The following SECISBP2L variants were observed in gnomAD, a reference collection of about 807,000 sequenced individuals.
SECISBP2L encodes the protein selenocysteine insertion sequence-binding protein 2-like.
SECISBP2L carries 43 observed loss-of-function variants against 114.7 expected under a neutral mutation model. The ratio of observed to expected loss-of-function variants is 0.38; its 90% CI spans 0.29 to 0.48. SECISBP2L has a LOEUF of 0.48. Among genes scored for constraint, SECISBP2L ranks in the 20% least tolerant of loss-of-function variants. SECISBP2L has a pLI of 0.98. For missense variants in SECISBP2L, 1,136 were observed against 1,301.1 expected (o/e 0.87, Z 1.95); for synonymous variants, 451 against 439.7 (o/e 1.03, Z -0.32).
chr15:49,032,556 A>G lies in SECISBP2L; in HGVS notation c.664+409T>C, dbSNP rs575172207. On this transcript the variant is annotated intron_variant, in intron 4 of 17. Transcript: ENST00000559471. ...AGATCTATGCTAAAATATGGCATAG[A>G]AAACTTCCTAAGTTCTTTCTACAAA... 7.2e-4 allele frequency among the ~76,000 whole-genome samples: 110 copies of G among 152,346 alleles called. 3 individuals are homozygous for G. In the South Asian group the frequency reaches 0.022, roughly 30 times the overall value.
At position 48,992,994 on chromosome 15, in the gene SECISBP2L, C is replaced by A. The variant is rs543327616; in HGVS notation, c.2624-68G>T. On this transcript the variant is annotated intron_variant, in intron 17 of 17. Transcript: ENST00000559471. ...TCAAAATCATGCAACTCTTTAAAAA[C>A]CCCCAAAAAAGAAAGAACAACAAAA... 2.8e-5 allele frequency: 37 copies of A among 1,326,718 alleles called. No homozygotes were observed. In the Admixed American group the frequency reaches 7.8e-4, roughly 28 times the overall value. The allele number at this position is 1,326,718 out of a possible 1,614,324, so 82.2% of individuals were successfully genotyped here.
At chr15:49,034,649 A>G (rs557708929) in intron 3 of SECISBP2L, among the ~76,000 whole-genome samples, 2 of 149,610 alleles carry the variant, frequency 1.3e-5, no homozygotes, top group South Asian at 4.2e-4. Context: ...TAACTTTTGA[A>G]GATTGAAAGT....
chr15:48,992,214 G>A lies in SECISBP2L; in HGVS notation c.*30C>T. The A allele has an allele frequency of 6.4e-7, 1 of 1,567,122 alleles. No homozygotes were observed. The highest frequency in any genetic ancestry group is 1.2e-5 in the South Asian group (1 of 84,948). On this transcript the variant is annotated 3_prime_UTR_variant, in exon 18 of 18. Transcript: ENST00000559471. ...AGGTAATGGCTGCAACCCTTCCACA[G>A]CTGGAGATAGAGAGCCGACATTTCC...
intron 11 of SECISBP2L, among the ~76,000 whole-genome samples, chr15:49,015,760 A>C (rs1400221514): frequency 6.6e-6 from 1 of 152,240 alleles, no homozygotes; most frequent in Non-Finnish European, 1.5e-5. Context: ...CCTTGTATGC[A>C]ACTGAGTTTT....
At chr15:49,029,129 C>T (rs1260146689) in intron 4 of SECISBP2L, among the ~76,000 whole-genome samples, 1 of 152,204 alleles carries the variant, frequency 6.6e-6, no homozygotes, top group Non-Finnish European at 1.5e-5. Flanking sequence ...GCTGGGATTA[C>T]AGGCATGAGC....
chr15:49,035,284 C>G (rs1363882250), intron 3 of SECISBP2L, 50 bp downstream of exon 3: 2 of 1,509,952 alleles, frequency 1.3e-6, no homozygotes, highest in Admixed American at 3.9e-5. Flanking sequence ...ATTGCTTATA[C>G]TAATATAAGT....
chr15:49,027,463 T>A lies in SECISBP2L; in HGVS notation c.937A>T (p.Asn313Tyr). ...TTCTGAGTTGCCTGGCAAGTTACAT[T>A]GGACCAATTTACACCACCTATAACA... ...SMCAGGVNWSNVTCQATQKKP... is the reference protein window; with the variant it reads ...SMCAGGVNWSYVTCQATQKKP... Residue 313 changes from asparagine to tyrosine, a missense_variant, in exon 7 of 18, where the codon AAT becomes TAT. Physicochemically the swap from Asn to Tyr is moderately radical, Grantham distance 143 (BLOSUM62 -2). Around this residue, in one of 2 missense-constraint regions of SECISBP2L, gnomAD observed 452 missense variants for 452.3 expected, o/e 1.00. Coordinates refer to ENST00000559471, the MANE Select transcript of SECISBP2L (RefSeq NM_001193489.2). The A allele has an allele frequency of 6.2e-7, 1 of 1,607,810 alleles. No individual in the cohort carries two copies. The highest frequency in any genetic ancestry group is 8.5e-7 in the Non-Finnish European group (1 of 1,175,592).
chr15:48,994,320 G>C (rs985372279), intron 17 of SECISBP2L, among the ~76,000 whole-genome samples: 1 of 152,086 alleles, frequency 6.6e-6, no homozygotes, highest in Admixed American at 6.5e-5. Flanking sequence ...TACTCCCTTA[G>C]CTCAGGCCTT....
In SECISBP2L at chr15:49,030,040, G is replaced by C. The variant is rs1211549990; in HGVS notation, c.665-1358C>G. ...ACTTCACAAATCATAACTGTACCAAGACAGTCCAAAAAAAAAAAACAAAAA... is the reference window on the plus strand; with the variant it reads ...ACTTCACAAATCATAACTGTACCAACACAGTCCAAAAAAAAAAAACAAAAA... On this transcript the variant is annotated intron_variant, in intron 4 of 17. Transcript: ENST00000559471. Among the ~76,000 whole-genome samples, 4 of 96,028 alleles carry C rather than the reference G, an allele frequency of 4.2e-5. No homozygotes were observed. In the East Asian group the frequency reaches 9.6e-4, roughly 23 times the overall value. The allele number at this position is 96,028 out of a possible 152,430, so 63.0% of individuals were successfully genotyped here.
At position 49,009,082 on chromosome 15, in the gene SECISBP2L, C is replaced by G. The variant is rs1595785671; in HGVS notation, c.2027+134G>C. On this transcript the variant is annotated intron_variant, in intron 14 of 17. Transcript: ENST00000559471. ...TTAAATAATAAACCCAGCTGTTAAA[C>G]AAAATCCGAAAGGAGTTAAAGATCT... The G allele has an allele frequency of 1.5e-5, 14 of 927,580 alleles. No individual in the cohort carries two copies. The East Asian group carries it at 3.7e-4, about 24-fold the overall frequency. The allele number at this position is 927,580 out of a possible 1,614,324, so 57.5% of individuals were successfully genotyped here. A position where few individuals can be genotyped will look rare whatever the true frequency, so the allele number is the denominator to read the frequency against.
intron 13 of SECISBP2L, among the ~76,000 whole-genome samples, chr15:49,011,256 G>C (rs959183502): frequency 5.3e-5 from 8 of 152,118 alleles, no homozygotes; most frequent in Non-Finnish European, 1.2e-4. Context: ...GCTACTTACT[G>C]TATGACACTG....
intron 1 of SECISBP2L, among the ~76,000 whole-genome samples, chr15:49,041,654 C>G (rs1903134090): frequency 6.6e-6 from 1 of 152,134 alleles, no homozygotes; most frequent in South Asian, 2.1e-4. Flanking sequence ...AAAACTGACA[C>G]CCACTTAAAA....
At chr15:49,033,868 T>C (rs1902948048) in intron 3 of SECISBP2L, among the ~76,000 whole-genome samples, 1 of 152,166 alleles carries the variant, frequency 6.6e-6, no homozygotes, top group Non-Finnish European at 1.5e-5. Context: ...TAAACTGATC[T>C]CTTCCTTTAC....
In SECISBP2L at chr15:49,037,659, C is replaced by T. The variant is rs1318175536; in HGVS notation, c.135G>A (p.Val45=). The change falls in exon 2 of 18, where the codon GTG becomes GTA. Residue 45 remains valine (V), a synonymous_variant. Coordinates refer to ENST00000559471, the MANE Select transcript of SECISBP2L (RefSeq NM_001193489.2). ...GGTAGCTGGGAATTGGAGTTGGTTC[C>T]ACACCAGAAACACTTCCATTATCAT... is the stretch of plus-strand genomic sequence containing the variant. ...LPNDNGSVSG[V]EPTPIPSYLI... The T allele has an allele frequency of 1.2e-6, 2 of 1,613,862 alleles. No homozygotes were observed. The highest frequency in any genetic ancestry group is 1.7e-6 in the Non-Finnish European group (2 of 1,179,878).
At chr15:49,029,208 T>G (rs1023862188) in intron 4 of SECISBP2L, among the ~76,000 whole-genome samples, 1 of 152,170 alleles carries the variant, frequency 6.6e-6, no homozygotes, top group Non-Finnish European at 1.5e-5. Flanking sequence ...ATCACTAAAA[T>G]ACTAAAACCA....
chr15:49,043,962 GC>G (rs1903192386), intron 1 of SECISBP2L, among the ~76,000 whole-genome samples: 1 of 150,658 alleles, frequency 6.6e-6, no homozygotes, highest in Non-Finnish European at 1.5e-5. Flanking sequence ...CAAAAAAAAA[GC>G]GTTTTTTTTT....
chr15:49,036,293 T>C (rs1237898208), intron 2 of SECISBP2L, among the ~76,000 whole-genome samples: 1 of 152,160 alleles, frequency 6.6e-6, no homozygotes, highest in Non-Finnish European at 1.5e-5. Context: ...ATGCAGTTCA[T>C]ATAAAACACT....
intron 17 of SECISBP2L, 86 bp downstream of exon 17, chr15:48,996,281 T>A: frequency 8.0e-7 from 1 of 1,253,518 alleles, no homozygotes; most frequent in Admixed American, 2.4e-5. Context: ...TAATCAAGAA[T>A]AAAGATTAAA....
In SECISBP2L at chr15:48,999,917, G is replaced by A. The variant is rs961824208; in HGVS notation, c.2319C>T (p.Ala773=). 2 of 1,613,758 alleles carry A rather than the reference G, an allele frequency of 1.2e-6. No homozygotes were observed. Among genetic ancestry groups the A allele is most frequent in the Admixed American group, 1.7e-5 (1 of 59,952 alleles). Residue 773 remains alanine (A), a synonymous_variant, in exon 16 of 18, where the codon GCC becomes GCT. Coordinates refer to ENST00000559471, the MANE Select transcript of SECISBP2L (RefSeq NM_001193489.2). ...AGCGTCCTAGAGCTTTCCTTCCAAG[G>A]GCAAACACAAAAGGAATTTCTTGTT... ...AREQEIPFVF[A]LGRKALGRCV... is the part of the protein sequence containing the mutation.
Sources: gnomAD v4.1 joint callset for allele counts (sites outside exome capture counted in the v4.1 genomes callset) on GRCh38, gnomAD v4.1.1 for gene constraint, gnomAD v4.1.1 regional missense constraint, MANE v1.5 for transcripts, NCBI Gene and HGNC (gene_info 2026-07-23, HGNC 2026-07-21) for gene names.